PMS1: variants seen among roughly 807,000 people sequenced by gnomAD.
PMS1 encodes PMS1 homolog 1, mismatch repair system component.
PMS1 carries 79 observed loss-of-function variants against 93.1 expected under a neutral mutation model. The ratio of observed to expected loss-of-function variants is 0.85; its 90% CI spans 0.71 to 1.02. The LOEUF (loss-of-function observed/expected upper bound fraction) is 1.02, where lower values mean the gene tolerates loss of function less well. PMS1 is among the 50% of genes least tolerant of loss of function. PMS1 has a pLI of 0.00. For synonymous variants in PMS1, 335 were observed against 363.4 expected, an observed-to-expected ratio of 0.92 and a Z score of 0.89; for missense variants, 1,064 against 1,085.3, an observed-to-expected ratio of 0.98 and a Z score of 0.28.
chr2:189,801,211 T>C (rs1161879241), intron 3 of PMS1, among the ~76,000 whole-genome samples: 1 of 152,208 alleles, frequency 6.6e-6, no homozygotes, highest in East Asian at 1.9e-4. Flanking sequence ...AATGGAATTA[T>C]TGCTTTCATG....
chr2:189,824,670 A>G (rs539511316), intron 5 of PMS1, among the ~76,000 whole-genome samples: 8 of 152,202 alleles, frequency 5.3e-5, no homozygotes, highest in Non-Finnish European at 8.8e-5. Context: ...TTATACTGTG[A>G]AAGTAATATA....
intron 2 of PMS1, among the ~76,000 whole-genome samples, chr2:189,793,453 A>G (rs1343484550): frequency 6.6e-6 from 1 of 152,212 alleles, no homozygotes; most frequent in African/African-American, 2.4e-5. Context: ...TTTTGAATAC[A>G]CTATAAGCTT....
chr2:189,784,464 T>G lies in PMS1; in HGVS notation c.-150T>G, dbSNP rs749530064. The G allele has an allele frequency of 6.6e-6, 1 of 152,520 alleles. No homozygotes were observed. The highest frequency in any genetic ancestry group is 3.4e-3 in the Middle Eastern group (1 of 296). The allele number at this position is 152,520 out of a possible 1,614,324, so 9.4% of individuals were successfully genotyped here. On this transcript the variant is annotated 5_prime_UTR_variant, in exon 1 of 13. Coordinates refer to ENST00000441310, the MANE Select transcript of PMS1 (RefSeq NM_000534.5). ...AGGCGGGACTCAGTGCCGCGCTCTC[T>G]GCACCCGCTCTGCCGCGCGCGTGCG...
At chr2:189,791,579 T>A (rs545413647) in intron 1 of PMS1, 52 of 434,324 alleles carry the variant, frequency 1.2e-4, no homozygotes, top group African/African-American at 9.6e-4. Flanking sequence ...ATCACGCCAC[T>A]GCACTCCAGC....
intron 5 of PMS1, among the ~76,000 whole-genome samples, chr2:189,838,493 T>A (rs2053567634): frequency 6.6e-6 from 1 of 152,180 alleles, no homozygotes; most frequent in Non-Finnish European, 1.5e-5. Context: ...AATCCTGCTC[T>A]TCTGAGTTTC....
intron 9 of PMS1, among the ~76,000 whole-genome samples, chr2:189,858,376 A>G (rs2055575792): frequency 6.6e-6 from 1 of 152,154 alleles, no homozygotes; most frequent in South Asian, 2.1e-4. Context: ...GATAAACTTT[A>G]TAACTAAATG....
chr2:189,830,016 A>G (rs368785497), intron 5 of PMS1, among the ~76,000 whole-genome samples: 1 of 152,182 alleles, frequency 6.6e-6, no homozygotes, highest in Non-Finnish European at 1.5e-5. Flanking sequence ...ATTAGTTCCC[A>G]TCTCATTCAG....
intron 11 of PMS1, 41 bp downstream of exon 11, chr2:189,867,970 T>G (rs746435399): frequency 2.6e-6 from 4 of 1,527,030 alleles, no homozygotes; most frequent in Non-Finnish European, 3.6e-6. Context: ...GTGGAAAAAT[T>G]AGTCTTGTTC....
chr2:189,822,620 C>T (rs1230749723), intron 5 of PMS1, among the ~76,000 whole-genome samples: 2 of 152,142 alleles, frequency 1.3e-5, no homozygotes. Context: ...AACATAAATT[C>T]ATCCATTCCT....
intron 6 of PMS1, among the ~76,000 whole-genome samples, chr2:189,846,327 C>T (rs779513470): frequency 2.6e-5 from 4 of 152,156 alleles, no homozygotes; most frequent in Non-Finnish European, 5.9e-5. Context: ...GCCTGGCCAA[C>T]ATGGCAAAAC....
intron 5 of PMS1, among the ~76,000 whole-genome samples, chr2:189,822,148 C>T (rs2051967298): frequency 6.6e-6 from 1 of 152,148 alleles, no homozygotes; most frequent in Non-Finnish European, 1.5e-5. Flanking sequence ...CCGCGGTTGC[C>T]GACTGTGGCG....
chr2:189,844,032 T>G lies in PMS1; in HGVS notation c.651T>G (p.Ala217=). Residue 217 remains alanine (A), a synonymous_variant, in exon 6 of 13, where the codon GCT becomes GCG. Transcript: ENST00000441310. ...KMALMSVLGT[A]VMNNMESFQY... is the part of the protein sequence containing the mutation. ...CTCTCATGTCAGTTCTGGGGACTGC[T>G]GTTATGAACAATATGGAATCCTTTC... is the stretch of plus-strand genomic sequence containing the variant. 1 of 1,614,042 alleles carries G rather than the reference T, an allele frequency of 6.2e-7. No homozygotes were observed. Among genetic ancestry groups the G allele is most frequent in the Non-Finnish European group, 8.5e-7 (1 of 1,179,956 alleles).
At chr2:189,795,747 A>G in intron 2 of PMS1, 22 bp from the exon 3 acceptor site, 1 of 1,575,274 alleles carries the variant, frequency 6.3e-7, no homozygotes. Flanking sequence ...ACATATTAAA[A>G]GTGTTTTTTG....
intron 9 of PMS1, among the ~76,000 whole-genome samples, chr2:189,863,158 C>T (rs1227449880): frequency 6.6e-6 from 1 of 151,752 alleles, no homozygotes; most frequent in Non-Finnish European, 1.5e-5. Flanking sequence ...CTGCTTTTGG[C>T]TGTTCTTCAG....
At chr2:189,853,282 C>T (rs540714814) in intron 7 of PMS1, among the ~76,000 whole-genome samples, 1 of 152,096 alleles carries the variant, frequency 6.6e-6, no homozygotes, top group Admixed American at 6.5e-5. Context: ...TCTCGAACTC[C>T]TGTCCTCAAG....
intron 4 of PMS1, among the ~76,000 whole-genome samples, chr2:189,817,663 C>T (rs2051443480): frequency 6.6e-6 from 1 of 152,106 alleles, no homozygotes; most frequent in South Asian, 2.1e-4. Context: ...TATTATATCT[C>T]CTATAAATTA....
In PMS1 at chr2:189,873,536, G is replaced by A. The variant is rs1430389091; in HGVS notation, c.2514G>A (p.Met838Ile). The A allele has an allele frequency of 1.3e-6, 2 of 1,599,398 alleles. No individual in the cohort carries two copies. Among genetic ancestry groups the A allele is most frequent in the East Asian group, 2.2e-5 (1 of 44,782 alleles). Reference sequence around the variant, plus strand: ...AAAATTACTTGGAAATAGAAGGAATGGCTAATTGTCTCCCATTCTATGGAG... The same window carrying A: ...AAAATTACTTGGAAATAGAAGGAATAGCTAATTGTCTCCCATTCTATGGAG... ...ITENYLEIEG[M>I]ANCLPFYGVA... The change falls in exon 12 of 13, where the codon ATG (methionine) becomes ATA (isoleucine). Residue 838 changes from methionine (M) to isoleucine (I), a missense_variant. Met to Ile is a conservative substitution (Grantham distance 10). Coordinates refer to ENST00000441310, the MANE Select transcript of PMS1 (RefSeq NM_000534.5).
In PMS1 at chr2:189,843,340, A is replaced by G. The variant is rs569721819; in HGVS notation, c.583-624A>G. Among the ~76,000 whole-genome samples the G allele has an allele frequency of 5.9e-5, 9 of 152,192 alleles. No individual in the cohort carries two copies. The South Asian group carries it at 6.2e-4, about 11-fold the overall frequency. On this transcript the variant is annotated intron_variant, in intron 5 of 12. Coordinates refer to ENST00000441310, the MANE Select transcript of PMS1 (RefSeq NM_000534.5). ...ACCTATTGTTTCTCTCTCATCTCCA[A>G]CATACTCGCAGTGAAAAAATCCAGC...
At chr2:189,787,084 T>C (rs187437235) in intron 1 of PMS1, among the ~76,000 whole-genome samples, 1 of 152,110 alleles carries the variant, frequency 6.6e-6, no homozygotes, top group East Asian at 1.9e-4. Context: ...AGAAAGATTC[T>C]CTGATCAGTT....
Sources: gnomAD v4.1 joint callset for allele counts (sites outside exome capture counted in the v4.1 genomes callset) on GRCh38, gnomAD v4.1.1 for gene constraint, MANE v1.5 for transcripts, NCBI Gene and HGNC (gene_info 2026-07-23, HGNC 2026-07-21) for gene names.